The following TAOK3 variants were observed in gnomAD, a reference collection of about 807,000 sequenced individuals.
TAOK3 encodes TAO kinase 3, also known as serine/threonine-protein kinase TAO3.
In TAOK3, 40 loss-of-function variants were observed where a neutral mutation model predicts 120.4. The ratio of observed to expected loss-of-function variants is 0.33; its 90% CI spans 0.26 to 0.43. The LOEUF is 0.43. Among genes scored for constraint, TAOK3 ranks in the 20% least tolerant of loss-of-function variants. TAOK3 has a pLI of 1.00. For missense variants in TAOK3, 821 were observed against 1,112.1 expected (o/e 0.74, Z 3.72); for synonymous variants, 355 against 387.5 (o/e 0.92, Z 0.99).
chr12:118,208,136 T>G (rs770697875), intron 11 of TAOK3, among the ~76,000 whole-genome samples: 21 of 152,220 alleles, frequency 1.4e-4, no homozygotes, highest in Non-Finnish European at 1.5e-5. Flanking sequence ...AATTACATTA[T>G]TTTTACATTG....
intron 1 of TAOK3, among the ~76,000 whole-genome samples, chr12:118,299,594 C>T (rs2042803392): frequency 1.3e-5 from 2 of 152,168 alleles, no homozygotes; most frequent in Admixed American, 1.3e-4. Flanking sequence ...ACTGCAACCT[C>T]TGCCTCCCAG....
chr12:118,319,169 G>C (rs1419680342), intron 1 of TAOK3, among the ~76,000 whole-genome samples: 1 of 152,090 alleles, frequency 6.6e-6, no homozygotes, highest in Non-Finnish European at 1.5e-5. Context: ...ATTCTACAAT[G>C]TATGCATATA....
chr12:118,185,799 A>G (rs2037036490), intron 14 of TAOK3, among the ~76,000 whole-genome samples: 1 of 152,210 alleles, frequency 6.6e-6, no homozygotes. Context: ...TTCAATACAC[A>G]TTTATTGACA....
At chr12:118,269,203 C>T (rs548997756) in intron 1 of TAOK3, among the ~76,000 whole-genome samples, 13 of 147,764 alleles carry the variant, frequency 8.8e-5, no homozygotes, top group Admixed American at 2.7e-4. Flanking sequence ...GCTCTGTTGC[C>T]CAGGCTGGAG....
intron 1 of TAOK3, among the ~76,000 whole-genome samples, chr12:118,284,577 T>C (rs965882689): frequency 1.3e-5 from 2 of 152,206 alleles, no homozygotes; most frequent in Non-Finnish European, 2.9e-5. Flanking sequence ...GACTGTTTTC[T>C]AGTAAAACTG....
At chr12:118,177,110 C>G in intron 16 of TAOK3, 91 bp downstream of exon 16, 1 of 1,371,294 alleles carries the variant, frequency 7.3e-7, no homozygotes, top group Non-Finnish European at 1.0e-6. Flanking sequence ...ACTCACTGGA[C>G]TAGAATATTG....
At chr12:118,193,046 G>GTTTTTTTTTTTTTTTTTTTTTTTTTT (rs1319064230) in intron 13 of TAOK3, among the ~76,000 whole-genome samples, 1 of 99,728 alleles carries the variant, frequency 1.0e-5, no homozygotes, top group African/African-American at 3.6e-5. Context: ...TTACCACGTT[G>GTTTTTTTTTTTTTTTTTTTTTTTTTT]TTGTTTTTTT....
intron 4 of TAOK3, among the ~76,000 whole-genome samples, chr12:118,244,111 A>G (rs1355598194): frequency 6.6e-6 from 1 of 152,202 alleles, no homozygotes; most frequent in African/African-American, 2.4e-5. Flanking sequence ...CACCCAGGCT[A>G]GAGTACAGTG....
At position 118,177,097 on chromosome 12, in the gene TAOK3, G is replaced by C. The variant is rs866120815; in HGVS notation, c.1695+104C>G. On this transcript the variant is annotated intron_variant, in intron 16 of 20. Transcript: ENST00000392533. ...TTTAGGGTATTCTAATGTAAAGTTT[G>C]AGACTCACTGGACTAGAATATTGAT... 108 of 1,252,256 alleles carry C rather than the reference G, an allele frequency of 8.6e-5. No individual in the cohort carries two copies. The Middle Eastern group carries it at 2.0e-3, about 23-fold the overall frequency. The allele number at this position is 1,252,256 out of a possible 1,614,324, so 77.6% of individuals were successfully genotyped here.
intron 3 of TAOK3, among the ~76,000 whole-genome samples, chr12:118,254,552 G>A (rs2040897005): frequency 6.6e-6 from 1 of 152,060 alleles, no homozygotes; most frequent in South Asian, 2.1e-4. Flanking sequence ...AAATCATAAA[G>A]TATTGATTTA....
At chr12:118,274,031 G>A (rs1169642613) in intron 1 of TAOK3, among the ~76,000 whole-genome samples, 2 of 151,962 alleles carry the variant, frequency 1.3e-5, no homozygotes, top group Non-Finnish European at 2.9e-5. Context: ...CTTTTTCGAA[G>A]TCACATAGTT....
intron 1 of TAOK3, among the ~76,000 whole-genome samples, chr12:118,326,643 T>A (rs367859645): frequency 4.3e-4 from 65 of 152,310 alleles, no homozygotes; most frequent in African/African-American, 1.5e-3. Context: ...ATTTTTGTAA[T>A]CATGGATATA....
chr12:118,330,884 A>T (rs1163658880), intron 1 of TAOK3, among the ~76,000 whole-genome samples: 1 of 152,144 alleles, frequency 6.6e-6, no homozygotes, highest in African/African-American at 2.4e-5. Context: ...TAAGTCTGAA[A>T]CTGCCATAAA....
chr12:118,288,681 C>T (rs769509160), intron 1 of TAOK3, among the ~76,000 whole-genome samples: 1 of 151,812 alleles, frequency 6.6e-6, no homozygotes, highest in Non-Finnish European at 1.5e-5. Flanking sequence ...TTTGGAAGGC[C>T]GAGGTGGGTG....
intron 6 of TAOK3, among the ~76,000 whole-genome samples, 199 bp downstream of exon 6, chr12:118,239,028 A>C (rs2040133867): frequency 6.6e-6 from 1 of 152,228 alleles, no homozygotes; most frequent in African/African-American, 2.4e-5. Flanking sequence ...GCCATGAACT[A>C]AAACAGCAGG....
chr12:118,310,284 A>T (rs1025422278), intron 1 of TAOK3, among the ~76,000 whole-genome samples: 1 of 152,248 alleles, frequency 6.6e-6, no homozygotes, highest in Non-Finnish European at 1.5e-5. Context: ...TTACAGAGTG[A>T]GACTGTGTCT....
At chr12:118,370,503 T>C (rs2045865390) in intron 1 of TAOK3, among the ~76,000 whole-genome samples, 1 of 152,208 alleles carries the variant, frequency 6.6e-6, no homozygotes, top group Admixed American at 6.5e-5. Flanking sequence ...CGACATTACA[T>C]AGTAATTACA....
chr12:118,248,307 T>C (rs946245189), intron 3 of TAOK3, among the ~76,000 whole-genome samples: 4 of 151,956 alleles, frequency 2.6e-5, no homozygotes, highest in African/African-American at 7.2e-5. Context: ...CTAGACATAA[T>C]TTTCCAGTCT....
intron 6 of TAOK3, among the ~76,000 whole-genome samples, chr12:118,238,709 A>G (rs1333988472): frequency 6.6e-6 from 1 of 150,608 alleles, no homozygotes; most frequent in Non-Finnish European, 1.5e-5. Flanking sequence ...ATCAAAGCTC[A>G]CTGCAGCCTT....
Sources: allele counts gnomAD v4.1 joint callset (sites outside exome capture counted in the v4.1 genomes callset), GRCh38; gene constraint gnomAD v4.1.1; transcripts MANE v1.5; gene names NCBI Gene and HGNC (gene_info 2026-07-23, HGNC 2026-07-21).